The following CPSF3 variants were observed in gnomAD, a reference collection of about 807,000 sequenced individuals.
CPSF3 encodes cleavage and polyadenylation specificity factor subunit 3.
CPSF3 carries 57 observed loss-of-function variants against 84.1 expected under a neutral mutation model. The ratio of observed to expected loss-of-function variants is 0.68; its 90% CI spans 0.55 to 0.85. The LOEUF (loss-of-function observed/expected upper bound fraction) is 0.85, where lower values mean the gene tolerates loss of function less well. CPSF3 is among the 40% of genes least tolerant of loss of function. CPSF3 has a pLI of 0.00. For synonymous variants in CPSF3, 275 were observed against 278.1 expected (o/e 0.99, Z 0.11); for missense variants, 522 against 838.8 (o/e 0.62, Z 4.66).
At chr2:9,466,192 G>A (rs1304842673) in intron 15 of CPSF3, among the ~76,000 whole-genome samples, 3 of 148,334 alleles carry the variant, frequency 2.0e-5, no homozygotes, top group Admixed American at 1.3e-4. Context: ...ACACACACAC[G>A]CGCTCACACA....
chr2:9,436,198 A>G lies in CPSF3; in HGVS notation c.610-13A>G, dbSNP rs751449432. 8 of 1,575,026 alleles carry G rather than the reference A, an allele frequency of 5.1e-6. No individual in the cohort carries two copies. Among genetic ancestry groups the G allele is most frequent in the African/African-American group, 1.4e-5 (1 of 73,324 alleles). On this transcript the variant is annotated splice_polypyrimidine_tract_variant and intron_variant, in intron 6 of 17. Coordinates refer to ENST00000238112, the MANE Select transcript of CPSF3 (RefSeq NM_016207.4). The stretch of plus-strand genomic sequence containing the variant: ...CATTGGTCTTAGTCTCACACTTCTA[A>G]TGTATTATTTAGGAATCTACTTATG...
intron 7 of CPSF3, among the ~76,000 whole-genome samples, chr2:9,440,158 A>T (rs1347558759): frequency 6.6e-6 from 1 of 152,200 alleles, no homozygotes; most frequent in East Asian, 1.9e-4. Flanking sequence ...TAATACATTT[A>T]AATAAAAATG....
chr2:9,442,856 AAAAAAAAG>A (rs965562784), intron 9 of CPSF3, among the ~76,000 whole-genome samples: 5 of 151,830 alleles, frequency 3.3e-5, no homozygotes, highest in Admixed American at 1.3e-4. Context: ...CCATCTCCAA[AAAAAAAAG>A]AAAAAAAAAA....
At chr2:9,471,047 C>G (rs1682144224) in intron 16 of CPSF3, among the ~76,000 whole-genome samples, 2 of 152,162 alleles carry the variant, frequency 1.3e-5, no homozygotes, top group East Asian at 1.9e-4. Flanking sequence ...AACCCTGACT[C>G]TACTAAAAAT....
Position 9,423,769 on chromosome 2 carries a change from T to C in CPSF3, c.-5T>C. The C allele has an allele frequency of 1.2e-6, 2 of 1,613,500 alleles. No individual in the cohort carries two copies. The highest frequency in any genetic ancestry group is 1.1e-5 in the South Asian group (1 of 90,968). ...TCACCCCCGCTTCGCCCTCACACTT[T>C]CGGGATGTCTGCGATTCCTGCTGAG... On this transcript the variant is annotated 5_prime_UTR_variant, in exon 1 of 18. Transcript: ENST00000238112.
intron 14 of CPSF3, among the ~76,000 whole-genome samples, chr2:9,458,598 A>G (rs570221536): frequency 6.6e-5 from 10 of 152,170 alleles, no homozygotes; most frequent in Non-Finnish European, 1.2e-4. Context: ...TGGGAGGCCA[A>G]GGTGGGCAGA....
At chr2:9,424,153 G>A (rs887861613) in intron 1 of CPSF3, 5 of 1,068,668 alleles carry the variant, frequency 4.7e-6, no homozygotes, top group Non-Finnish European at 5.7e-6. Context: ...ATCTCTGCGC[G>A]TCAGGGCAAG....
chr2:9,456,622 G>A (rs1286070902), intron 13 of CPSF3, among the ~76,000 whole-genome samples: 1 of 152,206 alleles, frequency 6.6e-6, no homozygotes, highest in Non-Finnish European at 1.5e-5. Flanking sequence ...CAAATTTTAT[G>A]TTATATGTTA....
At chr2:9,443,409 G>A in intron 9 of CPSF3, 106 bp from the exon 10 acceptor site, 1 of 1,077,784 alleles carries the variant, frequency 9.3e-7, no homozygotes, top group Non-Finnish European at 1.3e-6. Flanking sequence ...TTGTGCGTAA[G>A]GTCCTAAATT....
chr2:9,449,600 G>A (rs1208636079), intron 11 of CPSF3, among the ~76,000 whole-genome samples: 4 of 152,078 alleles, frequency 2.6e-5, no homozygotes, highest in Non-Finnish European at 5.9e-5. Flanking sequence ...AAATTAGCTG[G>A]GTGCAGTGGC....
intron 12 of CPSF3, among the ~76,000 whole-genome samples, chr2:9,454,463 C>G (rs1473847311): frequency 6.6e-6 from 1 of 151,826 alleles, no homozygotes; most frequent in Non-Finnish European, 1.5e-5. Context: ...TGAGATTGCC[C>G]TGCTGTCAGT....
chr2:9,466,245 C>G (rs554702102), intron 15 of CPSF3, among the ~76,000 whole-genome samples: 1 of 136,216 alleles, frequency 7.3e-6, no homozygotes, highest in Admixed American at 7.1e-5. Context: ...TGCGCGCACG[C>G]ACGCGCACAC....
chr2:9,426,798 T>C (rs1017184384), intron 1 of CPSF3, among the ~76,000 whole-genome samples: 1 of 150,694 alleles, frequency 6.6e-6, no homozygotes, highest in African/African-American at 2.5e-5. Flanking sequence ...TTCCAGCTAC[T>C]TGGGAGGCTG....
chr2:9,436,200 G>T lies in CPSF3; in HGVS notation c.610-11G>T, dbSNP rs978963264. The T allele has an allele frequency of 6.3e-7, 1 of 1,577,840 alleles. No homozygotes were observed. Among genetic ancestry groups the T allele is most frequent in the South Asian group, 1.2e-5 (1 of 85,360 alleles). ...TTGGTCTTAGTCTCACACTTCTAAT[G>T]TATTATTTAGGAATCTACTTATGGG... On this transcript the variant is annotated splice_polypyrimidine_tract_variant and intron_variant, in intron 6 of 17. Transcript: ENST00000238112.
Position 9,434,569 on chromosome 2 carries a change from T to C in CPSF3, c.609+609T>C, listed in dbSNP as rs956626229. On this transcript the variant is annotated intron_variant, in intron 6 of 17. Coordinates refer to ENST00000238112, the MANE Select transcript of CPSF3 (RefSeq NM_016207.4). ...AAATATATATTTCTAGATGAGAATA[T>C]GTAGAAGAACATCTTACGGGTCATT... Among the ~76,000 whole-genome samples, 9 of 152,214 alleles carry C rather than the reference T, an allele frequency of 5.9e-5. 1 individual carries two copies. Among genetic ancestry groups the C allele is most frequent in the Admixed American group, 2.6e-4 (4 of 15,278 alleles).
intron 11 of CPSF3, among the ~76,000 whole-genome samples, chr2:9,451,053 T>C (rs1334926045): frequency 2.6e-5 from 4 of 152,140 alleles, no homozygotes; most frequent in Non-Finnish European, 5.9e-5. Flanking sequence ...CATACTCTGC[T>C]GGTGGTGGAT....
intron 17 of CPSF3, 45 bp from the exon 18 acceptor site, chr2:9,472,871 A>G (rs1414937367): frequency 8.2e-7 from 1 of 1,222,174 alleles, no homozygotes; most frequent in Non-Finnish European, 1.2e-6. Flanking sequence ...CTATATAATC[A>G]TTATAGACTT....
intron 16 of CPSF3, among the ~76,000 whole-genome samples, chr2:9,470,868 CTG>C (rs1480586928): frequency 6.6e-6 from 1 of 152,210 alleles, no homozygotes; most frequent in Non-Finnish European, 1.5e-5. Context: ...TGTATTTTCC[CTG>C]TTTTATAAAC....
chr2:9,429,945 G>A lies in CPSF3; in HGVS notation c.137G>A (p.Gly46Asp). The A allele has an allele frequency of 6.2e-7, 1 of 1,601,132 alleles. No individual in the cohort carries two copies. The highest frequency in any genetic ancestry group is 1.1e-5 in the South Asian group (1 of 88,222). ...CAGCTCGACTGTGGGATCCACCCTG[G>A]CCTAGAAGGAATGGATGCTCTTCCT... ...KIMLDCGIHP[G>D]LEGMDALPYI... Residue 46 changes from glycine to aspartate, a missense_variant, in exon 3 of 18, where the codon GGC (glycine) becomes GAC (aspartate). Around this residue, in one of 2 missense-constraint regions of CPSF3, gnomAD observed 329 missense variants for 607.2 expected, o/e 0.54. Coordinates refer to ENST00000238112, the MANE Select transcript of CPSF3 (RefSeq NM_016207.4).
Sources: gnomAD v4.1 joint callset for allele counts (sites outside exome capture counted in the v4.1 genomes callset) on GRCh38, gnomAD v4.1.1 for gene constraint, gnomAD v4.1.1 regional missense constraint, MANE v1.5 for transcripts, NCBI Gene and HGNC (gene_info 2026-07-23, HGNC 2026-07-21) for gene names.